IMMP2L: variants seen among roughly 807,000 people sequenced by gnomAD.
IMMP2L encodes mitochondrial inner membrane protease subunit 2.
IMMP2L carries 18 observed loss-of-function variants against 19.3 expected under a neutral mutation model. The observed-to-expected ratio is 0.93, with a 90% CI of 0.64 to 1.38. IMMP2L has a LOEUF of 1.38. Ranked by LOEUF, IMMP2L falls within the 40% of genes most tolerant of loss-of-function variation. The pLI is 0.00. For missense variants in IMMP2L, 233 were observed against 218.2 expected (o/e 1.07, Z -0.43); for synonymous variants, 76 against 73.0 (o/e 1.04, Z -0.21).
intron 3 of IMMP2L, among the ~76,000 whole-genome samples, chr7:111,446,311 G>A (rs1202104275): frequency 1.4e-5 from 2 of 146,890 alleles, no homozygotes; most frequent in Non-Finnish European, 3.0e-5. Flanking sequence ...GTCCCTGTCT[G>A]ACAGCTTTGA....
chr7:110,741,089 T>C (rs972238220), intron 5 of IMMP2L, among the ~76,000 whole-genome samples: 1 of 152,214 alleles, frequency 6.6e-6, no homozygotes, highest in Non-Finnish European at 1.5e-5. Flanking sequence ...CCAGTCCAGA[T>C]GACCATCAAT....
At chr7:111,380,252 C>T (rs1418839187) in intron 3 of IMMP2L, among the ~76,000 whole-genome samples, 2 of 151,872 alleles carry the variant, frequency 1.3e-5, no homozygotes, top group Admixed American at 6.6e-5. Flanking sequence ...AAGAAATACC[C>T]TCTATATTCA....
At chr7:111,198,395 T>G (rs1809731065) in intron 3 of IMMP2L, among the ~76,000 whole-genome samples, 1 of 152,086 alleles carries the variant, frequency 6.6e-6, no homozygotes, top group African/African-American at 2.4e-5. Context: ...TGAGTCTTAT[T>G]TTCCTAACCC....
In IMMP2L at chr7:110,870,642, C is replaced by T. The variant is rs913367687; in HGVS notation, c.408+15951G>A. On this transcript the variant is annotated intron_variant, in intron 5 of 5. Transcript: ENST00000405709. This position sits in a 1 kb window ranked among gnomAD's most constrained non-coding sequence, Gnocchi z 4.2. ...TCCCTGAAGTGGGGAAAATAAAGAG[C>T]CAACCACACAAAGACCTAAAGGAAG... Among the ~76,000 whole-genome samples, 2 of 151,972 alleles carry T rather than the reference C, an allele frequency of 1.3e-5. No homozygotes were observed. The highest frequency in any genetic ancestry group is 4.8e-5 in the African/African-American group (2 of 41,366).
chr7:110,899,400 A>G (rs1464699778), intron 4 of IMMP2L, among the ~76,000 whole-genome samples: 1 of 152,154 alleles, frequency 6.6e-6, no homozygotes. Flanking sequence ...CAACAGTTTC[A>G]CAAGAACAAT....
At chr7:111,486,530 T>C (rs1036008665) in intron 3 of IMMP2L, among the ~76,000 whole-genome samples, 3 of 152,158 alleles carry the variant, frequency 2.0e-5, no homozygotes, top group Admixed American at 6.5e-5. Context: ...TTATAAGTAT[T>C]TGAAACCAGA....
intron 4 of IMMP2L, among the ~76,000 whole-genome samples, chr7:110,957,576 C>G (rs938910737): frequency 1.3e-5 from 2 of 151,932 alleles, no homozygotes; most frequent in Non-Finnish European, 2.9e-5. Context: ...AATCCAAAGT[C>G]CTTTCTAGGA....
intron 5 of IMMP2L, among the ~76,000 whole-genome samples, chr7:110,871,823 T>C (rs1486148134): frequency 6.6e-6 from 1 of 152,196 alleles, no homozygotes; most frequent in African/African-American, 2.4e-5. Context: ...AAATACTATC[T>C]GGCACACATA....
At chr7:111,173,540 A>G (rs1806691137) in intron 3 of IMMP2L, among the ~76,000 whole-genome samples, 1 of 151,568 alleles carries the variant, frequency 6.6e-6, no homozygotes, top group African/African-American at 2.4e-5. Context: ...GCCTGAATCT[A>G]CTGGTTACAA....
intron 1 of IMMP2L, among the ~76,000 whole-genome samples, chr7:111,553,418 C>T (rs967434184): frequency 5.9e-5 from 9 of 152,132 alleles, no homozygotes; most frequent in East Asian, 1.9e-4. Flanking sequence ...GCATTCTTAA[C>T]GAATATAATG....
At chr7:110,682,675 G>C (rs11975601) in intron 5 of IMMP2L, among the ~76,000 whole-genome samples, 7,417 of 152,146 alleles carry the variant, frequency 0.049, 228 homozygotes, top group African/African-American at 0.086. Flanking sequence ...ATTCAGTTTT[G>C]TATTATTGAA....
intron 5 of IMMP2L, among the ~76,000 whole-genome samples, chr7:110,868,582 G>A (rs1808234046): frequency 6.6e-6 from 1 of 152,040 alleles, no homozygotes. Context: ...CCCTGGGCTA[G>A]GCAAAGGAGA....
intron 3 of IMMP2L, among the ~76,000 whole-genome samples, chr7:111,156,100 C>G (rs1804618749): frequency 6.6e-6 from 1 of 151,952 alleles, no homozygotes; most frequent in African/African-American, 2.4e-5. Flanking sequence ...TTTATTATTT[C>G]TATTCTTGAC....
chr7:110,796,498 C>T (rs1398241922), intron 5 of IMMP2L, among the ~76,000 whole-genome samples: 1 of 152,020 alleles, frequency 6.6e-6, no homozygotes, highest in East Asian at 1.9e-4. Flanking sequence ...AAGAGATTTT[C>T]TAACAAAAAC....
At chr7:111,204,612 TA>T (rs1412221254) in intron 3 of IMMP2L, among the ~76,000 whole-genome samples, 11 of 152,154 alleles carry the variant, frequency 7.2e-5, no homozygotes, top group Non-Finnish European at 1.3e-4. Context: ...AATAAATTTT[TA>T]AAAAAATAAA....
At chr7:111,258,497 T>G (rs1816966120) in intron 3 of IMMP2L, among the ~76,000 whole-genome samples, 1 of 152,120 alleles carries the variant, frequency 6.6e-6, no homozygotes, top group African/African-American at 2.4e-5. Flanking sequence ...AGAAAAGCAT[T>G]TTTTAATTTT....
chr7:111,324,698 A>T (rs1825122665), intron 3 of IMMP2L, among the ~76,000 whole-genome samples: 1 of 151,944 alleles, frequency 6.6e-6, no homozygotes, highest in African/African-American at 2.4e-5. Context: ...GGAAAAAAAT[A>T]AATTATAGCT....
At chr7:110,827,190 T>C (rs553983220) in intron 5 of IMMP2L, among the ~76,000 whole-genome samples, 20 of 152,146 alleles carry the variant, frequency 1.3e-4, no homozygotes, top group Non-Finnish European at 2.8e-4. Context: ...TGCTTCCCTA[T>C]ATCCTCTCCA....
intron 3 of IMMP2L, among the ~76,000 whole-genome samples, chr7:111,119,372 C>T (rs1460431716): frequency 6.6e-6 from 1 of 152,138 alleles, no homozygotes; most frequent in African/African-American, 2.4e-5. Flanking sequence ...TGAAATTTTA[C>T]TAAAGAAATC....
Sources: gnomAD v4.1 joint callset for allele counts (sites outside exome capture counted in the v4.1 genomes callset) on GRCh38, gnomAD v4.1.1 for gene constraint, Gnocchi (gnomAD v3.1) non-coding constraint, MANE v1.5 for transcripts, NCBI Gene and HGNC (gene_info 2026-07-23, HGNC 2026-07-21) for gene names.